The following PHLPP2 variants were observed in gnomAD, a reference collection of about 807,000 sequenced individuals.
PHLPP2 encodes the protein PH domain leucine-rich repeat-containing protein phosphatase 2.
A neutral mutation model predicts 124.9 loss-of-function variants in PHLPP2; 66 were observed. The observed-to-expected ratio is 0.53, with a 90% CI of 0.43 to 0.65. The LOEUF is 0.65. Among genes scored for constraint, PHLPP2 ranks in the 30% least tolerant of loss-of-function variants. The probability of loss-of-function intolerance (pLI) is 0.00; values close to 1 mark genes in which losing one functional copy is unlikely to be tolerated. For synonymous variants in PHLPP2, 681 were observed against 624.7 expected, an observed-to-expected ratio of 1.09 and a Z score of -1.34; for missense variants, 1,685 against 1,600.4, an observed-to-expected ratio of 1.05 and a Z score of -0.90.
Position 71,646,003 on chromosome 16 carries a change from T to A in PHLPP2, c.*2887A>T, listed in dbSNP as rs1281248907. 1.3e-5 allele frequency: 2 copies of A among 152,618 alleles called. No homozygotes were observed. Among genetic ancestry groups the A allele is most frequent in the African/African-American group, 4.8e-5 (2 of 41,464 alleles). 9.5% of individuals were successfully genotyped at this position (152,618 alleles called of 1,614,324 possible). On this transcript the variant is annotated 3_prime_UTR_variant, in exon 19 of 19. Transcript: ENST00000568954. Reference sequence around the variant, plus strand: ...TCTCAGAAATTATCTTAAGCTTCTCTACTCAATGGGAGGTACACACAGAGA... The same window carrying A: ...TCTCAGAAATTATCTTAAGCTTCTCAACTCAATGGGAGGTACACACAGAGA...
At chr16:71,675,548 C>T (rs1324990068) in intron 9 of PHLPP2, among the ~76,000 whole-genome samples, 2 of 152,180 alleles carry the variant, frequency 1.3e-5, no homozygotes, top group African/African-American at 2.4e-5. Context: ...TTAGGCTTTG[C>T]GGACCATATC....
chr16:71,653,220 G>A (rs2044710720), intron 17 of PHLPP2, among the ~76,000 whole-genome samples, 199 bp from the exon 18 acceptor site: 1 of 151,160 alleles, frequency 6.6e-6, no homozygotes, highest in African/African-American at 2.4e-5. Context: ...TCTCGCTGAG[G>A]AAAAGGTTTT....
At chr16:71,720,042 C>T (rs377414387) in intron 1 of PHLPP2, among the ~76,000 whole-genome samples, 1 of 142,336 alleles carries the variant, frequency 7.0e-6, no homozygotes, top group Non-Finnish European at 1.5e-5. Context: ...AATCTCGGCT[C>T]ACTGCAGGCT....
chr16:71,713,003 C>T lies in PHLPP2; in HGVS notation c.284+1509G>A, dbSNP rs2045333557. On this transcript the variant is annotated intron_variant, in intron 2 of 18. Coordinates refer to ENST00000568954, the MANE Select transcript of PHLPP2 (RefSeq NM_015020.3). ...ACTAACAGCGATTTTCTTTAAAAAG[C>T]TGAATCAAAGAGTTCACATGCATAG... Among the ~76,000 whole-genome samples the T allele has an allele frequency of 2.0e-5, 3 of 152,258 alleles. No individual in the cohort carries two copies. The South Asian group carries it at 6.2e-4, about 32-fold the overall frequency.
At position 71,684,582 on chromosome 16, in the gene PHLPP2, C is replaced by T. The variant is rs1424470625; in HGVS notation, c.629G>A (p.Arg210Gln). The change falls in exon 5 of 19, where the codon CGG (arginine) becomes CAG (glutamine). Residue 210 changes from arginine (R) to glutamine (Q), a missense_variant. By Grantham distance (43) the Arg-to-Gln change is conservative. Coordinates refer to ENST00000568954, the MANE Select transcript of PHLPP2 (RefSeq NM_015020.3). ...TGAGCTGAAAGCAAGGGAGTATTGC[C>T]GTCGCTTCACTTCTTCTATCTGAAG... is the stretch of plus-strand genomic sequence containing the variant. ...VGGKIEEVKRRQYSLAFSSAG... is the reference protein window; with the variant it reads ...VGGKIEEVKRQQYSLAFSSAG... 8.1e-6 allele frequency: 13 copies of T among 1,613,086 alleles called. No homozygotes were observed. The highest frequency in any genetic ancestry group is 2.7e-5 in the African/African-American group (2 of 74,938).
At chr16:71,679,599 G>A in intron 6 of PHLPP2, 64 bp from the exon 7 acceptor site, 1 of 1,317,416 alleles carries the variant, frequency 7.6e-7, no homozygotes, top group African/African-American at 1.5e-5. Context: ...TCTTTACAAG[G>A]GACATCAACG....
At position 71,676,428 on chromosome 16, in the gene PHLPP2, G is replaced by C; in HGVS notation, c.1471+19C>G. ...AACAGCTGAAAGAGAAAAAACAAAAGGCTGCAGAGAAAACTCACTGTTGGA... is the reference window on the plus strand; with the variant it reads ...AACAGCTGAAAGAGAAAAAACAAAACGCTGCAGAGAAAACTCACTGTTGGA... On this transcript the variant is annotated intron_variant, in intron 9 of 18. Transcript: ENST00000568954. The C allele has an allele frequency of 6.2e-7, 1 of 1,603,008 alleles. No homozygotes were observed. The highest frequency in any genetic ancestry group is 8.5e-7 in the Non-Finnish European group (1 of 1,170,214).
rs763382265 is a variant in PHLPP2 at position 71,664,045 on chromosome 16, G to A, written c.1839C>T (p.Cys613=). 1.9e-6 allele frequency: 3 copies of A among 1,613,822 alleles called. No homozygotes were observed. The highest frequency in any genetic ancestry group is 3.3e-5 in the Admixed American group (2 of 60,006). Reference sequence around the variant, plus strand: ...GCATACTCAAACTCTCCTCTCCAGTGCAGGCGGATGGTAAAGACTCCAGAC... The same window carrying A: ...GCATACTCAAACTCTCCTCTCCAGTACAGGCGGATGGTAAAGACTCCAGAC... ...ANSLESLPSA[C]TGEESLSMLQ... The change falls in exon 13 of 19, where the codon TGC becomes TGT. Residue 613 remains cysteine, a synonymous_variant. Coordinates refer to ENST00000568954, the MANE Select transcript of PHLPP2 (RefSeq NM_015020.3).
intron 12 of PHLPP2, 22 bp from the exon 13 acceptor site, chr16:71,664,121 A>G (rs763334992): frequency 2.6e-6 from 4 of 1,529,304 alleles, no homozygotes; most frequent in Non-Finnish European, 3.6e-6. Context: ...CACACAGATC[A>G]TCACCTCCTT....
At chr16:71,660,061 C>T (rs2145313802) in intron 13 of PHLPP2, among the ~76,000 whole-genome samples, 1 of 151,420 alleles carries the variant, frequency 6.6e-6, no homozygotes, top group South Asian at 2.1e-4. Context: ...ATAATATATA[C>T]TCACTGAAAA....
At chr16:71,694,135 A>G (rs897503836) in intron 3 of PHLPP2, among the ~76,000 whole-genome samples, 1 of 152,154 alleles carries the variant, frequency 6.6e-6, no homozygotes, top group Non-Finnish European at 1.5e-5. Flanking sequence ...TAGAAGCTGC[A>G]GTGAGCTGAG....
At chr16:71,665,281 G>A (rs1174736921) in intron 12 of PHLPP2, among the ~76,000 whole-genome samples, 1 of 152,192 alleles carries the variant, frequency 6.6e-6, no homozygotes, top group Non-Finnish European at 1.5e-5. Context: ...CCGCACTCCA[G>A]CCTGGCGACA....
intron 13 of PHLPP2, among the ~76,000 whole-genome samples, chr16:71,663,252 C>T (rs1346767235): frequency 6.6e-6 from 1 of 152,232 alleles, no homozygotes; most frequent in Non-Finnish European, 1.5e-5. Context: ...GCTGTGATTA[C>T]AGGCATGTGC....
chr16:71,676,935 G>C (rs191163073), intron 8 of PHLPP2: 1 of 355,756 alleles, frequency 2.8e-6, no homozygotes, highest in African/African-American at 2.1e-5. Flanking sequence ...TTTTAGTAGA[G>C]CTGGGGTTTC....
chr16:71,665,756 A>C (rs2044833908), intron 12 of PHLPP2, among the ~76,000 whole-genome samples: 1 of 152,228 alleles, frequency 6.6e-6, no homozygotes, highest in East Asian at 1.9e-4. Flanking sequence ...TCAGACTACC[A>C]TAAGGACCAA....
At chr16:71,673,336 T>A (rs763624047) in intron 9 of PHLPP2, among the ~76,000 whole-genome samples, 2 of 152,178 alleles carry the variant, frequency 1.3e-5, no homozygotes, top group Non-Finnish European at 2.9e-5. Flanking sequence ...CCCCTGGGAT[T>A]TTTAGGCCTT....
At chr16:71,658,177 A>G in intron 15 of PHLPP2, 56 bp downstream of exon 15, 2 of 1,511,196 alleles carry the variant, frequency 1.3e-6, no homozygotes, top group Non-Finnish European at 1.8e-6. Flanking sequence ...AGGAAGACCT[A>G]CACATGGCTG....
chr16:71,668,992 T>A (rs980672065), intron 11 of PHLPP2, among the ~76,000 whole-genome samples: 1 of 152,232 alleles, frequency 6.6e-6, no homozygotes, highest in African/African-American at 2.4e-5. Context: ...AAAAATTAAC[T>A]ATTATTACTA....
Position 71,724,627 on chromosome 16 carries a change from A to G in PHLPP2, c.-305T>C, listed in dbSNP as rs896070904. On this transcript the variant is annotated 5_prime_UTR_variant, in exon 1 of 19. Transcript: ENST00000568954. The stretch of plus-strand genomic sequence containing the variant: ...CGCAGTGATAGTAGTTTTGTTGCCA[A>G]TGGGCCAAATTTGGAGTCAGCCAGC... The G allele has an allele frequency of 2.0e-5, 3 of 152,192 alleles. No homozygotes were observed. In the East Asian group the frequency reaches 5.8e-4, roughly 29 times the overall value. The allele number at this position is 152,192 out of a possible 1,614,324, so 9.4% of individuals were successfully genotyped here.
Sources: allele counts gnomAD v4.1 joint callset (sites outside exome capture counted in the v4.1 genomes callset), GRCh38; gene constraint gnomAD v4.1.1; transcripts MANE v1.5; gene names NCBI Gene and HGNC (gene_info 2026-07-23, HGNC 2026-07-21).